BICDL1: variants seen among roughly 807,000 people sequenced by gnomAD.
The protein encoded by BICDL1 is BICD family-like cargo adapter 1.
Under a neutral mutation model 76.8 loss-of-function variants are expected in BICDL1, and 20 were observed. The observed-to-expected ratio is 0.26, with a 90% CI of 0.18 to 0.38. The LOEUF is 0.38. Among genes scored for constraint, BICDL1 ranks in the 10% least tolerant of loss-of-function variants. The pLI is 1.00. For missense variants in BICDL1, 700 were observed against 798.6 expected, an observed-to-expected ratio of 0.88 and a Z score of 1.49; for synonymous variants, 383 against 337.1, an observed-to-expected ratio of 1.14 and a Z score of -1.49.
At position 120,094,066 on chromosome 12, in the gene BICDL1, T is replaced by C. The variant is rs1365501462; in HGVS notation, c.*905T>C. 2.5e-6 allele frequency: 1 copy of C among 392,926 alleles called. No individual in the cohort carries two copies. The highest frequency in any genetic ancestry group is 3.4e-5 in the Admixed American group (1 of 29,446). 24.3% of individuals were successfully genotyped at this position (392,926 alleles called of 1,614,324 possible). ...GGGGTCTGTGGTCAGCCACCCCACCTTGAGGGCAGCACAGGCACCACGGGG... is the reference window on the plus strand; with the variant it reads ...GGGGTCTGTGGTCAGCCACCCCACCCTGAGGGCAGCACAGGCACCACGGGG... On this transcript the variant is annotated 3_prime_UTR_variant, in exon 10 of 10. Transcript: ENST00000548673.
intron 2 of BICDL1, among the ~76,000 whole-genome samples, chr12:120,055,787 G>C (rs1479526355): frequency 6.6e-6 from 1 of 152,190 alleles, no homozygotes; most frequent in Non-Finnish European, 1.5e-5. Context: ...AGTGGTGGCA[G>C]AGTATTGAGA....
At chr12:120,003,158 TAAAA>T (rs747568511) in intron 2 of BICDL1, among the ~76,000 whole-genome samples, 2 of 136,654 alleles carry the variant, frequency 1.5e-5, no homozygotes, top group Non-Finnish European at 3.1e-5. Context: ...ACCCCATCTT[TAAAA>T]AAAAAAAAAA....
chr12:120,014,811 TG>T (rs781124773), intron 2 of BICDL1, among the ~76,000 whole-genome samples: 194 of 151,542 alleles, frequency 1.3e-3, no homozygotes, highest in Non-Finnish European at 2.4e-3. Flanking sequence ...CTGGGCAACA[TG>T]GTGAGACTCC....
chr12:120,010,035 C>G (rs1951922792), intron 2 of BICDL1, among the ~76,000 whole-genome samples: 2 of 152,186 alleles, frequency 1.3e-5, no homozygotes, highest in Admixed American at 1.3e-4. Context: ...CTCCAAAGAA[C>G]CATTACCAAA....
chr12:120,052,944 T>C (rs1952895065), intron 2 of BICDL1, among the ~76,000 whole-genome samples: 1 of 152,042 alleles, frequency 6.6e-6, no homozygotes, highest in African/African-American at 2.4e-5. Context: ...CACACCTGGC[T>C]AATTTTTGTA....
chr12:120,091,090 C>A, intron 9 of BICDL1: 1 of 1,281,828 alleles, frequency 7.8e-7, no homozygotes, highest in South Asian at 1.3e-5. Flanking sequence ...CGCCTCCCCT[C>A]ATGGCCCACT....
intron 1 of BICDL1, chr12:119,992,320 G>A (rs370344695): frequency 8.7e-4 from 133 of 152,326 alleles, no homozygotes; most frequent in African/African-American, 2.9e-3. Flanking sequence ...TTTCCCCACA[G>A]TACATTGTTT....
At chr12:120,074,887 G>T (rs1382904626) in intron 7 of BICDL1, among the ~76,000 whole-genome samples, 2 of 152,210 alleles carry the variant, frequency 1.3e-5, no homozygotes, top group Non-Finnish European at 2.9e-5. Context: ...CAGCCCTCGG[G>T]CTACTTATGG....
intron 8 of BICDL1, among the ~76,000 whole-genome samples, chr12:120,087,922 C>T (rs1197329730): frequency 6.6e-6 from 1 of 152,174 alleles, no homozygotes; most frequent in African/African-American, 2.4e-5. Flanking sequence ...TCCTTGAACA[C>T]ACAGGCAGTT....
intron 9 of BICDL1, chr12:120,092,208 C>G (rs1307612976): frequency 1.0e-6 from 1 of 985,336 alleles, no homozygotes; most frequent in African/African-American, 1.7e-5. Flanking sequence ...TGGAGCTGCC[C>G]TGTCCACAGG....
intron 4 of BICDL1, among the ~76,000 whole-genome samples, chr12:120,067,343 A>G (rs1268276174): frequency 1.3e-5 from 2 of 152,232 alleles, no homozygotes; most frequent in East Asian, 3.8e-4. Context: ...ACCTTGCTCT[A>G]ATGCTGATTG....
intron 2 of BICDL1, among the ~76,000 whole-genome samples, chr12:120,059,482 G>A (rs1437717926): frequency 2.6e-5 from 4 of 151,998 alleles, no homozygotes. Context: ...CACCATGTTG[G>A]CCAAGCTGGT....
chr12:120,039,655 A>AG (rs1007514197), intron 2 of BICDL1, among the ~76,000 whole-genome samples: 6 of 151,254 alleles, frequency 4.0e-5, no homozygotes, highest in Admixed American at 1.3e-4. Flanking sequence ...AAAAAAAAAA[A>AG]AAAAAGAAAA....
At chr12:120,043,517 A>G (rs1440236873) in intron 2 of BICDL1, among the ~76,000 whole-genome samples, 1 of 152,236 alleles carries the variant, frequency 6.6e-6, no homozygotes, top group Non-Finnish European at 1.5e-5. Context: ...GTATAGGTAG[A>G]AACACCGAGC....
At chr12:119,997,490 T>C (rs751527388) in intron 1 of BICDL1, among the ~76,000 whole-genome samples, 2 of 152,338 alleles carry the variant, frequency 1.3e-5, no homozygotes, top group Non-Finnish European at 2.9e-5. Flanking sequence ...CAAATAAATA[T>C]ACAAGGCTTA....
chr12:120,046,398 T>C (rs1952750803), intron 2 of BICDL1, among the ~76,000 whole-genome samples: 1 of 152,326 alleles, frequency 6.6e-6, no homozygotes, highest in Middle Eastern at 3.4e-3. Context: ...ATAATAATGA[T>C]GAAGGTGAAT....
intron 9 of BICDL1, chr12:120,092,343 G>A (rs1030865390): frequency 1.0e-6 from 1 of 985,360 alleles, no homozygotes; most frequent in African/African-American, 1.7e-5. Flanking sequence ...TGAGGAAGCT[G>A]AAAGAAATGG....
At chr12:120,053,080 T>G (rs1273541962) in intron 2 of BICDL1, among the ~76,000 whole-genome samples, 1 of 152,160 alleles carries the variant, frequency 6.6e-6, no homozygotes, top group Non-Finnish European at 1.5e-5. Context: ...ACAGCCAGCC[T>G]GATTTTCATT....
At chr12:119,997,226 G>GT (rs1292180786) in intron 1 of BICDL1, among the ~76,000 whole-genome samples, 2 of 152,172 alleles carry the variant, frequency 1.3e-5, no homozygotes, top group African/African-American at 2.4e-5. Context: ...GATTACAGGC[G>GT]TGTGCCACCG....
Sources: allele counts gnomAD v4.1 joint callset (sites outside exome capture counted in the v4.1 genomes callset), GRCh38; gene constraint gnomAD v4.1.1; transcripts MANE v1.5; gene names NCBI Gene and HGNC (gene_info 2026-07-23, HGNC 2026-07-21).